ST6GALNAC5: variants seen among roughly 807,000 people sequenced by gnomAD.
The protein encoded by ST6GALNAC5 is alpha-N-acetylgalactosaminide alpha-2,6-sialyltransferase 5.
ST6GALNAC5 carries 27 observed loss-of-function variants against 33.6 expected under a neutral mutation model. That is an observed-to-expected ratio of 0.80 (90% CI 0.59 to 1.11). The LOEUF (loss-of-function observed/expected upper bound fraction) is 1.11. Among genes scored for constraint, ST6GALNAC5 ranks in the 50% least tolerant of loss-of-function variants. ST6GALNAC5 has a pLI of 0.00. For synonymous variants in ST6GALNAC5, 194 were observed against 171.2 expected (o/e 1.13, Z -1.04); for missense variants, 428 against 454.0 (o/e 0.94, Z 0.52).
chr1:77,021,313 G>A (rs1308144305), intron 2 of ST6GALNAC5, among the ~76,000 whole-genome samples: 2 of 152,146 alleles, frequency 1.3e-5, no homozygotes, highest in Non-Finnish European at 2.9e-5. Flanking sequence ...AATTGGTTGG[G>A]GGCAGGGGGT....
intron 2 of ST6GALNAC5, among the ~76,000 whole-genome samples, chr1:76,872,068 A>AACACAC (rs66721550): frequency 0.012 from 1,534 of 130,248 alleles, 10 homozygotes; most frequent in African/African-American, 0.014. Context: ...TAACCAAGCT[A>AACACAC]ACACACACAC....
rs1470947674 is a variant in ST6GALNAC5, at chr1:77,063,869, C to T, written c.*663C>T. On this transcript the variant is annotated 3_prime_UTR_variant, in exon 5 of 5. Coordinates refer to ENST00000477717, the MANE Select transcript of ST6GALNAC5 (RefSeq NM_030965.3). ...ATTAGGTTACTCTGTTCACAATGCT[C>T]ATTGTTAGCATGCAATTGGTATTTG... 3.3e-5 allele frequency: 5 copies of T among 152,598 alleles called. No individual in the cohort carries two copies. The allele number at this position is 152,598 out of a possible 1,614,324, so 9.5% of individuals were successfully genotyped here. A position where few individuals can be genotyped will look rare whatever the true frequency, so the allele number is the denominator to read the frequency against.
chr1:77,026,570 C>T (rs1031922194), intron 2 of ST6GALNAC5, among the ~76,000 whole-genome samples: 1 of 152,166 alleles, frequency 6.6e-6, no homozygotes, highest in African/African-American at 2.4e-5. Context: ...GCTCCATGTG[C>T]CAAGCAGCAG....
At chr1:76,962,836 T>A (rs1314997340) in intron 2 of ST6GALNAC5, among the ~76,000 whole-genome samples, 1 of 152,236 alleles carries the variant, frequency 6.6e-6, no homozygotes, top group Non-Finnish European at 1.5e-5. Flanking sequence ...TGGCTGCTGT[T>A]TTCCACTCAT....
At chr1:76,948,736 G>C (rs1056210873) in intron 2 of ST6GALNAC5, among the ~76,000 whole-genome samples, 6 of 152,058 alleles carry the variant, frequency 3.9e-5, no homozygotes, top group African/African-American at 1.4e-4. Context: ...CCACCATAGT[G>C]AATATGATAG....
At chr1:77,022,604 G>C (rs1431845430) in intron 2 of ST6GALNAC5, among the ~76,000 whole-genome samples, 6 of 152,290 alleles carry the variant, frequency 3.9e-5, no homozygotes, top group South Asian at 2.1e-4. Flanking sequence ...CCTCAGTAAG[G>C]TCACACTATG....
At chr1:77,028,443 C>T (rs562363238) in intron 2 of ST6GALNAC5, among the ~76,000 whole-genome samples, 1 of 152,020 alleles carries the variant, frequency 6.6e-6, no homozygotes, top group African/African-American at 2.4e-5. Context: ...ACATCATAGT[C>T]CTTCAAGTGA....
intron 2 of ST6GALNAC5, among the ~76,000 whole-genome samples, chr1:77,012,615 G>C (rs1023421854): frequency 6.6e-6 from 1 of 152,186 alleles, no homozygotes; most frequent in Non-Finnish European, 1.5e-5. Flanking sequence ...CTCTTGGTGG[G>C]AGAGGCCTTG....
chr1:76,873,691 C>G lies in ST6GALNAC5; in HGVS notation c.261+4949C>G, dbSNP rs149511262. ...GGAGGAAATGATTTAAGAGGAAAGA[C>G]AAAAGAATCTTTGGGAATGAGATTT... On this transcript the variant is annotated intron_variant, in intron 2 of 4. Coordinates refer to ENST00000477717, the MANE Select transcript of ST6GALNAC5 (RefSeq NM_030965.3). 4.1e-4 allele frequency among the ~76,000 whole-genome samples: 62 copies of G among 152,254 alleles called. 1 individual carries two copies. In the East Asian group the frequency reaches 0.011, roughly 26 times the overall value.
At chr1:77,013,331 A>G (rs970176943) in intron 2 of ST6GALNAC5, among the ~76,000 whole-genome samples, 13 of 152,222 alleles carry the variant, frequency 8.5e-5, no homozygotes, top group Non-Finnish European at 1.5e-4. Context: ...AGGCATGAAA[A>G]GCCATTCAGC....
intron 2 of ST6GALNAC5, among the ~76,000 whole-genome samples, chr1:77,040,752 A>G (rs186292978): frequency 6.6e-6 from 1 of 152,334 alleles, no homozygotes; most frequent in African/African-American, 2.4e-5. Context: ...ATCCAACCGG[A>G]AAATTCAGGA....
intron 2 of ST6GALNAC5, among the ~76,000 whole-genome samples, chr1:76,974,439 G>A (rs982192113): frequency 2.0e-5 from 3 of 151,960 alleles, no homozygotes; most frequent in Non-Finnish European, 2.9e-5. Context: ...CTGGCCTCAC[G>A]CAATTCTCCC....
chr1:77,050,365 G>A lies in ST6GALNAC5; in HGVS notation c.779G>A (p.Arg260Lys). The change falls in exon 4 of 5, where the codon AGG becomes AAG. Residue 260 changes from arginine to lysine, a missense_variant and splice_region_variant. Physicochemically the swap from Arg to Lys is conservative, Grantham distance 26. Transcript: ENST00000477717. ...VYGMVPPDFC[R>K]DPNHPSVPYH... Reference sequence around the variant, plus strand: ...GGCATGGTGCCCCCAGACTTCTGCAGGTAGGATTTATTCTGCAAGTGTAAA... The same window carrying A: ...GGCATGGTGCCCCCAGACTTCTGCAAGTAGGATTTATTCTGCAAGTGTAAA... 1 of 1,613,608 alleles carries A rather than the reference G, an allele frequency of 6.2e-7. No homozygotes were observed. The highest frequency in any genetic ancestry group is 8.5e-7 in the Non-Finnish European group (1 of 1,179,554).
chr1:77,024,841 A>T (rs1030841539), intron 2 of ST6GALNAC5, among the ~76,000 whole-genome samples: 1 of 152,194 alleles, frequency 6.6e-6, no homozygotes, highest in Non-Finnish European at 1.5e-5. Context: ...GAGCACCAGA[A>T]TCCCCAGCTG....
rs796782226 is a variant in ST6GALNAC5 at position 76,989,735 on chromosome 1, G to T, written c.262-54469G>T. On this transcript the variant is annotated intron_variant, in intron 2 of 4. Transcript: ENST00000477717. ...AACGCTTCTCAAAAAAATGTGCCTT[G>T]TCTTTCCAAATCTTTATTTGGCCTT... Among the ~76,000 whole-genome samples, 8 of 152,092 alleles carry T rather than the reference G, an allele frequency of 5.3e-5. 1 individual carries two copies. Among genetic ancestry groups the T allele is most frequent in the African/African-American group, 1.9e-4 (8 of 41,520 alleles).
chr1:76,874,823 G>T (rs112224774), intron 2 of ST6GALNAC5, among the ~76,000 whole-genome samples: 2 of 151,996 alleles, frequency 1.3e-5, no homozygotes, highest in South Asian at 2.1e-4. Context: ...ATTAACCATC[G>T]CAAGTCCACC....
chr1:76,956,097 A>G (rs1435859664), intron 2 of ST6GALNAC5, among the ~76,000 whole-genome samples: 1 of 152,200 alleles, frequency 6.6e-6, no homozygotes, highest in Non-Finnish European at 1.5e-5. Flanking sequence ...AAACTAAAAA[A>G]GGGAAAATAA....
At chr1:76,979,735 T>G (rs2100379042) in intron 2 of ST6GALNAC5, among the ~76,000 whole-genome samples, 1 of 152,312 alleles carries the variant, frequency 6.6e-6, no homozygotes, top group East Asian at 1.9e-4. Flanking sequence ...GAGACCAGCC[T>G]GGCCAACATG....
intron 2 of ST6GALNAC5, among the ~76,000 whole-genome samples, chr1:76,969,454 A>T (rs537617437): frequency 6.6e-5 from 10 of 152,302 alleles, no homozygotes; most frequent in Admixed American, 2.6e-4. Context: ...TCAACCTGCA[A>T]GGCAGTAGCC....
Sources: gnomAD v4.1 joint callset for allele counts (sites outside exome capture counted in the v4.1 genomes callset) on GRCh38, gnomAD v4.1.1 for gene constraint, MANE v1.5 for transcripts, NCBI Gene and HGNC (gene_info 2026-07-23, HGNC 2026-07-21) for gene names.